The following PLEK variants were observed in gnomAD, a reference collection of about 807,000 sequenced individuals.
The protein encoded by PLEK is pleckstrin.
In PLEK, 25 loss-of-function variants were observed where a neutral mutation model predicts 43.9. The observed-to-expected ratio is 0.57, with a 90% CI of 0.41 to 0.79. PLEK has a LOEUF of 0.79. Among genes scored for constraint, PLEK ranks in the 30% least tolerant of loss-of-function variants. The probability of loss-of-function intolerance (pLI) is 0.00; values close to 1 mark genes in which losing one functional copy is unlikely to be tolerated. For missense variants in PLEK, 396 were observed against 413.3 expected (o/e 0.96, Z 0.36); for synonymous variants, 152 against 144.4 (o/e 1.05, Z -0.38).
rs778986135 is a variant in PLEK at position 68,395,669 on chromosome 2, T to C, written c.917-11T>C. On this transcript the variant is annotated splice_polypyrimidine_tract_variant and intron_variant, in intron 8 of 8. Coordinates refer to ENST00000234313, the MANE Select transcript of PLEK (RefSeq NM_002664.3). The stretch of plus-strand genomic sequence containing the variant: ...CCTGTGCGTGCTGCCATTTGCCTTC[T>C]CTTTCCCCAGGCAGGAAGAGTGAGG... 6.2e-7 allele frequency: 1 copy of C among 1,614,084 alleles called. No homozygotes were observed. Among genetic ancestry groups the C allele is most frequent in the Non-Finnish European group, 8.5e-7 (1 of 1,179,956 alleles).
At chr2:68,386,330 G>A (rs933756835) in intron 4 of PLEK, among the ~76,000 whole-genome samples, 172 bp from the exon 5 acceptor site, 2 of 151,978 alleles carry the variant, frequency 1.3e-5, no homozygotes, top group Admixed American at 6.5e-5. Flanking sequence ...TTGTTTGTTT[G>A]TTTGTTTCTA....
chr2:68,395,920 G>T lies in PLEK; in HGVS notation c.*104G>T, dbSNP rs1673954589. The T allele has an allele frequency of 2.8e-6, 3 of 1,055,492 alleles. No homozygotes were observed. The highest frequency in any genetic ancestry group is 4.3e-6 in the Non-Finnish European group (3 of 705,006). The allele number at this position is 1,055,492 out of a possible 1,614,324, so 65.4% of individuals were successfully genotyped here. ...CAAATCAACGGGAAACAGCCCAGGG[G>T]TGGGAAGTTTTCATTTGCAGGGGGG... On this transcript the variant is annotated 3_prime_UTR_variant, in exon 9 of 9. Transcript: ENST00000234313.
intron 5 of PLEK, among the ~76,000 whole-genome samples, chr2:68,386,955 A>G (rs1400538038): frequency 6.6e-6 from 1 of 151,986 alleles, no homozygotes; most frequent in Non-Finnish European, 1.5e-5. Flanking sequence ...GTTTACTTGA[A>G]AAAAAATTTT....
At chr2:68,383,395 G>T (rs150975020) in intron 4 of PLEK, among the ~76,000 whole-genome samples, 18 of 152,264 alleles carry the variant, frequency 1.2e-4, no homozygotes, top group African/African-American at 4.3e-4. Flanking sequence ...TGAATAGGAG[G>T]TGGTACCCAA....
At chr2:68,386,720 G>A (rs758262524) in intron 5 of PLEK, 34 bp downstream of exon 5, 1 of 1,537,602 alleles carries the variant, frequency 6.5e-7, no homozygotes, top group African/African-American at 1.4e-5. Flanking sequence ...CTTCCTGTAA[G>A]GGAGGCTGCC....
At chr2:68,385,774 T>G (rs1673728992) in intron 4 of PLEK, among the ~76,000 whole-genome samples, 1 of 152,236 alleles carries the variant, frequency 6.6e-6, no homozygotes, top group Non-Finnish European at 1.5e-5. Flanking sequence ...CTGATGGTGA[T>G]GCACAGCCCT....
At chr2:68,365,592 C>T (rs78459381) in intron 1 of PLEK, 199 bp downstream of exon 1, 9,815 of 530,658 alleles carry the variant, frequency 0.018, 165 homozygotes, top group African/African-American at 0.045. Context: ...GGCTTCCTTA[C>T]AGTTTGATAT....
intron 4 of PLEK, 130 bp from the exon 5 acceptor site, chr2:68,386,372 C>A: frequency 1.6e-6 from 1 of 614,518 alleles, no homozygotes; most frequent in South Asian, 2.4e-5. Flanking sequence ...TTTGTTTTCT[C>A]TTTCTTGAAA....
At chr2:68,370,462 T>C (rs982320947) in intron 1 of PLEK, among the ~76,000 whole-genome samples, 1 of 152,132 alleles carries the variant, frequency 6.6e-6, no homozygotes, top group Admixed American at 6.5e-5. Flanking sequence ...AGGGTCTTGT[T>C]TATTTTTGTT....
intron 4 of PLEK, 122 bp downstream of exon 4, chr2:68,382,755 C>T (rs1673652220): frequency 1.6e-6 from 1 of 614,374 alleles, no homozygotes; most frequent in African/African-American, 1.8e-5. Context: ...AGAATGCAGC[C>T]TGGTGAGCCT....
chr2:68,392,092 C>A (rs371589286), intron 6 of PLEK, among the ~76,000 whole-genome samples: 1 of 152,096 alleles, frequency 6.6e-6, no homozygotes. Context: ...AAGGCCAAGT[C>A]GTCACCTTCT....
At position 68,395,749 on chromosome 2, in the gene PLEK, C is replaced by T; in HGVS notation, c.986C>T (p.Ala329Val). Reference protein sequence around the residue: ...TADEVHYFLQAATPKERTEWI... With the variant: ...TADEVHYFLQVATPKERTEWI... ...GATGAAGTGCACTATTTCTTGCAAG[C>T]AGCCACCCCCAAGGAGCGCACAGAG... is the stretch of plus-strand genomic sequence containing the variant. The change falls in exon 9 of 9, where the codon GCA (alanine) becomes GTA (valine). Residue 329 changes from alanine to valine, a missense_variant. Coordinates refer to ENST00000234313, the MANE Select transcript of PLEK (RefSeq NM_002664.3). 6.2e-7 allele frequency: 1 copy of T among 1,613,730 alleles called. No homozygotes were observed. Among genetic ancestry groups the T allele is most frequent in the South Asian group, 1.1e-5 (1 of 91,078 alleles).
At chr2:68,393,732 C>T (rs755349886) in intron 7 of PLEK, among the ~76,000 whole-genome samples, 2 of 152,176 alleles carry the variant, frequency 1.3e-5, no homozygotes, top group South Asian at 4.1e-4. Context: ...CAGCACTGGG[C>T]TATTTGACTT....
chr2:68,367,759 C>T lies in PLEK; in HGVS notation c.42+2366C>T, dbSNP rs554253408. On this transcript the variant is annotated intron_variant, in intron 1 of 8. Transcript: ENST00000234313. The stretch of plus-strand genomic sequence containing the variant: ...ATGTACTGGTTCCTGGGTTGGTTGC[C>T]AAATTAATTATGAAGGAAGGGCCAT... 2.6e-5 allele frequency among the ~76,000 whole-genome samples: 4 copies of T among 152,144 alleles called. No homozygotes were observed. The East Asian group carries it at 5.8e-4, about 22-fold the overall frequency.
In PLEK at chr2:68,396,686, G is replaced by C. The variant is rs1673968964; in HGVS notation, c.*870G>C. On this transcript the variant is annotated 3_prime_UTR_variant, in exon 9 of 9. Coordinates refer to ENST00000234313, the MANE Select transcript of PLEK (RefSeq NM_002664.3). ...TAGGAGGGGGACCCCACATCTGTGA[G>C]ATTCTGTTTCATTTGAGGTTTACAG... The C allele has an allele frequency of 6.7e-6, 1 of 149,224 alleles. No individual in the cohort carries two copies. Among genetic ancestry groups the C allele is most frequent in the South Asian group, 2.1e-4 (1 of 4,734 alleles). 9.2% of individuals were successfully genotyped at this position (149,224 alleles called of 1,614,324 possible).
intron 4 of PLEK, among the ~76,000 whole-genome samples, chr2:68,383,330 G>A (rs1165837072): frequency 6.6e-6 from 1 of 152,200 alleles, no homozygotes; most frequent in Non-Finnish European, 1.5e-5. Context: ...TCACATGTCT[G>A]TACAACCAAT....
At chr2:68,395,594 A>G in intron 8 of PLEK, 86 bp from the exon 9 acceptor site, 1 of 1,409,962 alleles carries the variant, frequency 7.1e-7, no homozygotes, top group African/African-American at 1.4e-5. Context: ...CGAAGAAAAC[A>G]GAGATTTCAT....
chr2:68,389,015 A>G (rs1673807569), intron 6 of PLEK, among the ~76,000 whole-genome samples: 1 of 152,224 alleles, frequency 6.6e-6, no homozygotes, highest in South Asian at 2.1e-4. Flanking sequence ...GCAAAAGTCA[A>G]ATGCAGATTG....
intron 1 of PLEK, among the ~76,000 whole-genome samples, chr2:68,368,662 G>A (rs1449429961): frequency 2.0e-5 from 3 of 152,210 alleles, no homozygotes; most frequent in Non-Finnish European, 4.4e-5. Flanking sequence ...GAAGGTACTC[G>A]AATACCTACT....
Sources: gnomAD v4.1 joint callset for allele counts (sites outside exome capture counted in the v4.1 genomes callset) on GRCh38, gnomAD v4.1.1 for gene constraint, MANE v1.5 for transcripts, NCBI Gene and HGNC (gene_info 2026-07-23, HGNC 2026-07-21) for gene names.